The following PCDH15 variants were observed in gnomAD, a reference collection of about 807,000 sequenced individuals.
The protein encoded by PCDH15 is protocadherin related 15, also known as protocadherin-15.
A neutral mutation model predicts 178.5 loss-of-function variants in PCDH15; 129 were observed. The observed-to-expected ratio is 0.72, with a 90% CI of 0.63 to 0.84. The LOEUF is 0.84. Ranked by LOEUF, PCDH15 falls within the 40% of genes least tolerant of loss-of-function variation. The probability of loss-of-function intolerance (pLI) is 0.00; values close to 1 mark genes in which losing one functional copy is unlikely to be tolerated. For missense variants in PCDH15, 2,230 were observed against 2,099.9 expected (o/e 1.06, Z -1.21); for synonymous variants, 800 against 732.0 (o/e 1.09, Z -1.50).
intron 2 of PCDH15, among the ~76,000 whole-genome samples, chr10:55,360,527 T>C (rs1248349940): frequency 6.6e-6 from 1 of 151,834 alleles, no homozygotes; most frequent in Non-Finnish European, 1.5e-5. Context: ...CAAAGGCAGG[T>C]AATGCAATAG....
intron 8 of PCDH15, among the ~76,000 whole-genome samples, chr10:54,244,673 A>G (rs1334921962): frequency 6.6e-6 from 1 of 152,178 alleles, no homozygotes; most frequent in African/African-American, 2.4e-5. Flanking sequence ...TCACATTCTT[A>G]TCCATTTCTA....
At position 54,329,665 on chromosome 10, in the gene PCDH15, T is replaced by A; in HGVS notation, c.636A>T (p.Gly212=). ...DTFEIPLMLT[G]NIVLRKRLNY... ...TGAGCCTCTTCCTTAACACTATATT[T>A]CCAGTCAACATTAGGGGAATTTCAA... Residue 212 remains glycine, a synonymous_variant, in exon 7 of 38, where the codon GGA becomes GGT. Transcript: ENST00000644397. The A allele has an allele frequency of 6.2e-7, 1 of 1,609,032 alleles. No individual in the cohort carries two copies. Among genetic ancestry groups the A allele is most frequent in the Non-Finnish European group, 8.5e-7 (1 of 1,175,722 alleles).
At chr10:54,324,648 T>C (rs1359554456) in intron 7 of PCDH15, among the ~76,000 whole-genome samples, 1 of 151,924 alleles carries the variant, frequency 6.6e-6, no homozygotes, top group South Asian at 2.1e-4. Flanking sequence ...ATGCCTGTAA[T>C]ACCAACTACT....
chr10:54,568,252 T>G (rs1830662383), intron 2 of PCDH15, among the ~76,000 whole-genome samples: 1 of 152,016 alleles, frequency 6.6e-6, no homozygotes, highest in Admixed American at 6.6e-5. Context: ...GATGCCTACA[T>G]GGCACAAGGC....
intron 9 of PCDH15, among the ~76,000 whole-genome samples, chr10:54,232,945 T>TTTTTTTTA (rs1564744143): frequency 7.0e-6 from 1 of 143,476 alleles, no homozygotes; most frequent in African/African-American, 2.8e-5. Flanking sequence ...TTTTTTTTTT[T>TTTTTTTTA]AAAGAGAGTC....
intron 1 of PCDH15, among the ~76,000 whole-genome samples, chr10:54,796,390 C>A (rs544586047): frequency 6.6e-6 from 1 of 151,608 alleles, no homozygotes; most frequent in Non-Finnish European, 1.5e-5. Flanking sequence ...CTGTCTCAGT[C>A]TCCCTTTCTG....
intron 19 of PCDH15, among the ~76,000 whole-genome samples, chr10:54,021,981 G>A (rs76188770): frequency 0.019 from 2,943 of 152,024 alleles, 81 homozygotes; most frequent in African/African-American, 0.067. Context: ...AGGAATAATT[G>A]TTCTCTCCCT....
rs1273347471 is a variant in PCDH15, at chr10:54,287,807, G to T, written c.876+29464C>A. 2.6e-5 allele frequency among the ~76,000 whole-genome samples: 4 copies of T among 152,028 alleles called. No homozygotes were observed. The East Asian group carries it at 7.7e-4, about 29-fold the overall frequency. ...AAATGCCAAATGAATAGACAGTTGGGATTCAATTCTATTTAAGATAATCGA... is the reference window on the plus strand; with the variant it reads ...AAATGCCAAATGAATAGACAGTTGGTATTCAATTCTATTTAAGATAATCGA... On this transcript the variant is annotated intron_variant, in intron 8 of 37. Coordinates refer to ENST00000644397, the MANE Select transcript of PCDH15 (RefSeq NM_001384140.1).
chr10:55,513,431 A>G lies in PCDH15; in HGVS notation c.-156+114194T>C, dbSNP rs117333072. 3.3e-3 allele frequency among the ~76,000 whole-genome samples: 503 copies of G among 152,188 alleles called. 4 individuals are homozygous for G. Among genetic ancestry groups the G allele is most frequent in the Middle Eastern group, 3.4e-3 (1 of 292 alleles). ...TTGCTTATCTACCTTTCTTTCAATT[A>G]GAGTTCATGGTTAGAATATTACATC... On this transcript the variant is annotated intron_variant, in intron 2 of 5. Transcript: ENST00000613346.
At chr10:55,530,012 T>C (rs569080048) in intron 2 of PCDH15, among the ~76,000 whole-genome samples, 15 of 151,626 alleles carry the variant, frequency 9.9e-5, no homozygotes, top group South Asian at 2.1e-4. Flanking sequence ...CTGAGTGCAA[T>C]AGGAGTATAA....
chr10:54,254,188 A>G (rs999977738), intron 8 of PCDH15, among the ~76,000 whole-genome samples: 9 of 152,164 alleles, frequency 5.9e-5, no homozygotes, highest in Non-Finnish European at 1.3e-4. Context: ...TATTACCAAG[A>G]GGACCTACTG....
chr10:55,527,807 C>A, intron 2 of PCDH15, among the ~76,000 whole-genome samples: 1 of 151,868 alleles, frequency 6.6e-6, no homozygotes, highest in East Asian at 1.9e-4. Context: ...AAAGTGCATC[C>A]ATTATTAAAA....
At chr10:55,074,108 A>G (rs945639247) in intron 2 of PCDH15, among the ~76,000 whole-genome samples, 4 of 152,064 alleles carry the variant, frequency 2.6e-5, no homozygotes, top group Non-Finnish European at 4.4e-5. Flanking sequence ...TATTCAGTCT[A>G]TTATTGATGA....
intron 30 of PCDH15, among the ~76,000 whole-genome samples, chr10:53,830,724 A>C (rs1458329649): frequency 6.6e-6 from 1 of 152,232 alleles, no homozygotes; most frequent in Non-Finnish European, 1.5e-5. Context: ...AACCAGAAAA[A>C]TTAAGAGCCT....
intron 3 of PCDH15, among the ~76,000 whole-genome samples, chr10:54,881,073 A>G (rs1008737698): frequency 1.3e-5 from 2 of 152,066 alleles, no homozygotes; most frequent in Admixed American, 1.3e-4. Context: ...ATTGACTTCC[A>G]GCATCTTTTC....
At chr10:53,856,698 T>C (rs1027927744) in intron 28 of PCDH15, among the ~76,000 whole-genome samples, 1 of 152,112 alleles carries the variant, frequency 6.6e-6, no homozygotes, top group Non-Finnish European at 1.5e-5. Flanking sequence ...CATCTAATTT[T>C]TATCCTTATT....
At chr10:53,906,349 A>G (rs2082682065) in intron 25 of PCDH15, among the ~76,000 whole-genome samples, 4 of 152,072 alleles carry the variant, frequency 2.6e-5, no homozygotes. Flanking sequence ...TCTTTCTATA[A>G]ATAACCTTTC....
intron 8 of PCDH15, among the ~76,000 whole-genome samples, chr10:54,248,116 CTTAA>C (rs1272125493): frequency 3.3e-5 from 5 of 151,418 alleles, no homozygotes; most frequent in South Asian, 2.1e-4. Context: ...AAACTAGAAG[CTTAA>C]TTGATACCAT....
At chr10:55,375,080 T>C (rs1327632633) in intron 2 of PCDH15, among the ~76,000 whole-genome samples, 1 of 152,146 alleles carries the variant, frequency 6.6e-6, no homozygotes, top group East Asian at 1.9e-4. Context: ...TTGTGTTAGC[T>C]ATGTAGGAGT....
Sources: allele counts gnomAD v4.1 joint callset (sites outside exome capture counted in the v4.1 genomes callset), GRCh38; gene constraint gnomAD v4.1.1; transcripts MANE v1.5; gene names NCBI Gene and HGNC (gene_info 2026-07-23, HGNC 2026-07-21).